The following PCCA variants were observed in gnomAD, a reference collection of about 807,000 sequenced individuals.
PCCA encodes propionyl-CoA carboxylase subunit alpha.
PCCA carries 74 observed loss-of-function variants against 101.3 expected under a neutral mutation model. The ratio of observed to expected loss-of-function variants is 0.73; its 90% confidence interval spans 0.61 to 0.89. The LOEUF (loss-of-function observed/expected upper bound fraction) is 0.89, where lower values mean the gene tolerates loss of function less well. Ranked by LOEUF, PCCA falls within the 40% of genes least tolerant of loss-of-function variation. PCCA has a pLI of 0.00. For synonymous variants in PCCA, 294 were observed against 313.6 expected, an observed-to-expected ratio of 0.94 and a Z score of 0.66; for missense variants, 891 against 907.0, an observed-to-expected ratio of 0.98 and a Z score of 0.23.
chr13:100,301,703 T>G (rs2066073905), intron 13 of PCCA, 100 bp downstream of exon 13: 2 of 1,294,300 alleles, frequency 1.5e-6, no homozygotes, highest in African/African-American at 1.5e-5. Flanking sequence ...TTTATAATGT[T>G]GCCAACTATT....
At chr13:100,390,571 G>C (rs941709566) in intron 19 of PCCA, among the ~76,000 whole-genome samples, 2 of 152,184 alleles carry the variant, frequency 1.3e-5, no homozygotes, top group Non-Finnish European at 1.5e-5. Flanking sequence ...AGAGGAAGAA[G>C]AATCAGCAAA....
chr13:100,209,455 G>A lies in PCCA; in HGVS notation c.592G>A (p.Val198Ile), dbSNP rs2059071476. The change falls in exon 7 of 24, where the codon GTA becomes ATA. Residue 198 changes from valine to isoleucine, a missense_variant. Transcript: ENST00000376285. The part of the protein sequence containing the change: ...EVNTIPGFDG[V>I]VKDAEEAVRI... ...TAATACAATCCCTGGCTTTGATGGAGTAGTCAAGGTGAGAAGCTACTTTAA... is the reference window on the plus strand; with the variant it reads ...TAATACAATCCCTGGCTTTGATGGAATAGTCAAGGTGAGAAGCTACTTTAA... The A allele has an allele frequency of 3.1e-6, 5 of 1,612,750 alleles. No individual in the cohort carries two copies. The highest frequency in any genetic ancestry group is 4.2e-6 in the Non-Finnish European group (5 of 1,178,784).
At position 100,275,368 on chromosome 13, in the gene PCCA, G is replaced by T. The variant is rs532247544; in HGVS notation, c.1065+2022G>T. 7.4e-4 allele frequency among the ~76,000 whole-genome samples: 112 copies of T among 152,288 alleles called. 3 individuals are homozygous for T. The South Asian group carries it at 0.023, about 31-fold the overall frequency. ...GTCCTTGAACTTTGAGGTGAGTTCA[G>T]TAGTGGCCCTGCTGCTCCCCAGCCG... On this transcript the variant is annotated intron_variant, in intron 12 of 23. Coordinates refer to ENST00000376285, the MANE Select transcript of PCCA (RefSeq NM_000282.4).
chr13:100,288,417 C>A lies in PCCA; in HGVS notation c.1066-13043C>A, dbSNP rs1028908440. On this transcript the variant is annotated intron_variant, in intron 12 of 23. Transcript: ENST00000376285. Reference sequence around the variant, plus strand: ...GCTCAGGCAATCCTGCCACCCCAGCCGCCCAGGTAGCTGGGACTACAGGCA... The same window carrying A: ...GCTCAGGCAATCCTGCCACCCCAGCAGCCCAGGTAGCTGGGACTACAGGCA... 4.5e-4 allele frequency among the ~76,000 whole-genome samples: 69 copies of A among 152,316 alleles called. 1 individual carries two copies. Among genetic ancestry groups the A allele is most frequent in the Non-Finnish European group, 1.6e-4 (11 of 68,024 alleles).
At chr13:100,481,198 C>T (rs1413466452) in intron 21 of PCCA, 1 of 152,036 alleles carries the variant, frequency 6.6e-6, no homozygotes, top group Non-Finnish European at 1.5e-5. Context: ...GACTTCATGG[C>T]TGGTTTTTGG....
At chr13:100,441,989 C>CTTTTTTTTTT (rs776208311) in intron 20 of PCCA, among the ~76,000 whole-genome samples, 7 of 128,528 alleles carry the variant, frequency 5.4e-5, no homozygotes, top group African/African-American at 1.1e-4. Context: ...TTCCTTTTTT[C>CTTTTTTTTTT]TTTTTTTTTT....
intron 6 of PCCA, among the ~76,000 whole-genome samples, chr13:100,168,528 A>G (rs1212463146): frequency 6.6e-6 from 1 of 152,220 alleles, no homozygotes; most frequent in African/African-American, 2.4e-5. Context: ...TCAGATTCCA[A>G]GCACTCCAGC....
chr13:100,111,804 TAAC>T (rs769789697), intron 2 of PCCA, 34 bp from the exon 3 acceptor site: 1 of 1,483,534 alleles, frequency 6.7e-7, no homozygotes, highest in African/African-American at 1.4e-5. Flanking sequence ...GGTTTAAAAG[TAAC>T]AATTTCTAAT....
At chr13:100,243,000 G>A (rs1020505820) in intron 8 of PCCA, among the ~76,000 whole-genome samples, 2 of 152,132 alleles carry the variant, frequency 1.3e-5, no homozygotes, top group African/African-American at 2.4e-5. Context: ...GGGTTCAAGC[G>A]ATTCATCTGC....
intron 4 of PCCA, among the ~76,000 whole-genome samples, chr13:100,138,934 C>CAA (rs34466523): frequency 8.3e-4 from 69 of 82,930 alleles, no homozygotes; most frequent in Non-Finnish European, 9.9e-4. Flanking sequence ...AACTCCATCT[C>CAA]AAAAAAAAAA....
intron 20 of PCCA, among the ~76,000 whole-genome samples, chr13:100,442,285 C>T (rs751676652): frequency 7.9e-5 from 12 of 152,112 alleles, no homozygotes; most frequent in Middle Eastern, 3.2e-3. Context: ...TGAGCCACCA[C>T]GCCTGGCCTG....
chr13:100,285,821 T>C (rs950029382), intron 12 of PCCA, among the ~76,000 whole-genome samples: 1 of 152,114 alleles, frequency 6.6e-6, no homozygotes, highest in African/African-American at 2.4e-5. Flanking sequence ...CCTTAACCTA[T>C]ATACTGATGG....
At position 100,530,349 on chromosome 13, in the gene PCCA, AT is replaced by A. The variant is rs577445847; in HGVS notation, c.*184del. 1.5e-6 allele frequency: 1 copy of A among 659,420 alleles called. No homozygotes were observed. The highest frequency in any genetic ancestry group is 2.8e-6 in the Non-Finnish European group (1 of 362,584). The allele number at this position is 659,420 out of a possible 1,614,324, so 40.8% of individuals were successfully genotyped here. A position where few individuals can be genotyped will look rare whatever the true frequency, so the allele number is the denominator to read the frequency against. On this transcript the variant is annotated 3_prime_UTR_variant, in exon 24 of 24. Transcript: ENST00000376285. ...ATCACCAATGGAAATTTTCATTGAT[AT>A]AAATACTTGTACATATGATTTGTAC...
intron 6 of PCCA, among the ~76,000 whole-genome samples, chr13:100,185,927 G>A (rs975340460): frequency 7.9e-5 from 12 of 152,324 alleles, no homozygotes; most frequent in Admixed American, 2.0e-4. Context: ...GATTACAGGC[G>A]TAAGCCACTG....
intron 16 of PCCA, among the ~76,000 whole-genome samples, chr13:100,310,775 A>G (rs2066849220): frequency 6.6e-6 from 1 of 152,180 alleles, no homozygotes; most frequent in African/African-American, 2.4e-5. Flanking sequence ...TAGGCTTGCC[A>G]TTATTCTCCT....
intron 8 of PCCA, among the ~76,000 whole-genome samples, chr13:100,251,204 A>G (rs566528308): frequency 6.6e-6 from 1 of 152,344 alleles, no homozygotes; most frequent in South Asian, 2.1e-4. Flanking sequence ...AGAATTTATA[A>G]GAGTTTCATA....
At position 100,391,260 on chromosome 13, in the gene PCCA, C is replaced by G. The variant is rs528359480; in HGVS notation, c.1746+22686C>G. Among the ~76,000 whole-genome samples the G allele has an allele frequency of 2.0e-5, 3 of 152,284 alleles. No homozygotes were observed. The South Asian group carries it at 6.2e-4, about 32-fold the overall frequency. On this transcript the variant is annotated intron_variant, in intron 19 of 23. Coordinates refer to ENST00000376285, the MANE Select transcript of PCCA (RefSeq NM_000282.4). The stretch of plus-strand genomic sequence containing the variant: ...CTTGATTTCTTGACCTTATGAACCA[C>G]CACACCCAGCCTCTGTTCCATTTTT...
intron 21 of PCCA, chr13:100,491,337 A>G (rs374310462): frequency 5.6e-6 from 1 of 178,644 alleles, no homozygotes; most frequent in South Asian, 1.0e-4. Context: ...TGCGCAACTC[A>G]GCTTTGTGTC....
At chr13:100,124,011 A>C (rs1323158383) in intron 4 of PCCA, among the ~76,000 whole-genome samples, 1 of 152,194 alleles carries the variant, frequency 6.6e-6, no homozygotes, top group Non-Finnish European at 1.5e-5. Flanking sequence ...AGTTTGGTGA[A>C]TAGTGAGAGC....
Sources: gnomAD v4.1 joint callset for allele counts (sites outside exome capture counted in the v4.1 genomes callset) on GRCh38, gnomAD v4.1.1 for gene constraint, MANE v1.5 for transcripts, NCBI Gene and HGNC (gene_info 2026-07-23, HGNC 2026-07-21) for gene names.